The following KCNT2 variants were observed in gnomAD, a reference collection of about 807,000 sequenced individuals.
KCNT2 encodes the protein potassium channel subfamily T member 2.
KCNT2 carries 67 observed loss-of-function variants against 153.8 expected under a neutral mutation model. The observed-to-expected ratio is 0.44, with a 90% CI of 0.36 to 0.53. The LOEUF (loss-of-function observed/expected upper bound fraction) is 0.53, where lower values mean the gene tolerates loss of function less well. Among genes scored for constraint, KCNT2 ranks in the 20% least tolerant of loss-of-function variants. The probability of loss-of-function intolerance (pLI) is 0.00; values close to 1 mark genes in which losing one functional copy is unlikely to be tolerated. For synonymous variants in KCNT2, 500 were observed against 458.8 expected, an observed-to-expected ratio of 1.09 and a Z score of -1.15; for missense variants, 975 against 1,354.8, an observed-to-expected ratio of 0.72 and a Z score of 4.40.
intron 17 of KCNT2, 138 bp from the exon 18 acceptor site, chr1:196,331,399 T>A: frequency 1.6e-6 from 1 of 621,606 alleles, no homozygotes; most frequent in Non-Finnish European, 2.9e-6. Flanking sequence ...AAGAGGTAGT[T>A]AAGAAGAGAG....
chr1:196,558,380 CGTGT>C (rs142132505), intron 1 of KCNT2, among the ~76,000 whole-genome samples: 13 of 147,326 alleles, frequency 8.8e-5, no homozygotes, highest in East Asian at 2.0e-4. Flanking sequence ...TCTAAAATAA[CGTGT>C]GTGTGTGTGT....
At chr1:196,560,417 T>G (rs114124632) in intron 1 of KCNT2, among the ~76,000 whole-genome samples, 224 of 152,066 alleles carry the variant, frequency 1.5e-3, no homozygotes, top group Middle Eastern at 0.01. Context: ...TCTCTCCTCC[T>G]TTTTCTTAAT....
Position 196,586,722 on chromosome 1 carries a change from AAAC to A in KCNT2, c.95+21490_95+21492del, listed in dbSNP as rs941802990. On this transcript the variant is annotated intron_variant, in intron 1 of 27. Transcript: ENST00000294725. ...ACATTAAAATCAAGAGGATTAAAAA[AAAC>A]AACAACAACAACTGTAAGTAGTACA... is the stretch of plus-strand genomic sequence containing the variant. Among the ~76,000 whole-genome samples the A allele has an allele frequency of 8.4e-5, 12 of 143,694 alleles. No individual in the cohort carries two copies. The East Asian group carries it at 1.9e-3, about 23-fold the overall frequency. 94.3% of individuals were successfully genotyped at this position (143,694 alleles called of 152,430 possible). A position where few individuals can be genotyped will look rare whatever the true frequency, so the allele number is the denominator to read the frequency against.
Position 196,316,988 on chromosome 1 carries a change from A to C in KCNT2, c.2349-962T>G, listed in dbSNP as rs369366552. On this transcript the variant is annotated intron_variant, in intron 20 of 27. Coordinates refer to ENST00000294725, the MANE Select transcript of KCNT2 (RefSeq NM_198503.5). ...TCCGTATCTTCTGATTTATAATAGG[A>C]TGTTTAAAGCTTAAAGAGCAGTAGT... is the stretch of plus-strand genomic sequence containing the variant. 9.9e-5 allele frequency among the ~76,000 whole-genome samples: 15 copies of C among 151,850 alleles called. No homozygotes were observed. The East Asian group carries it at 2.3e-3, about 24-fold the overall frequency.
intron 12 of KCNT2, among the ~76,000 whole-genome samples, chr1:196,411,059 C>CTCCCTCCT (rs1407696394): frequency 1.1e-5 from 1 of 94,994 alleles, no homozygotes; most frequent in African/African-American, 4.8e-5. Context: ...CCTCTATTCC[C>CTCCCTCCT]TCCTTCCTTC....
chr1:196,228,187 G>A lies in KCNT2; in HGVS notation c.*37C>T, dbSNP rs769652395. 9 of 1,265,396 alleles carry A rather than the reference G, an allele frequency of 7.1e-6. No homozygotes were observed. Among genetic ancestry groups the A allele is most frequent in the Non-Finnish European group, 9.2e-6 (8 of 872,246 alleles). The allele number at this position is 1,265,396 out of a possible 1,614,324, so 78.4% of individuals were successfully genotyped here. A position where few individuals can be genotyped will look rare whatever the true frequency, so the allele number is the denominator to read the frequency against. On this transcript the variant is annotated 3_prime_UTR_variant, in exon 28 of 28. Transcript: ENST00000294725. Reference sequence around the variant, plus strand: ...GCAAAACTTTTGTGGTTTCAAGCAAGGTCTTTGTAGGAAAAAAGTTTCTCA... The same window carrying A: ...GCAAAACTTTTGTGGTTTCAAGCAAAGTCTTTGTAGGAAAAAAGTTTCTCA...
At chr1:196,539,273 A>G (rs1022264957) in intron 1 of KCNT2, among the ~76,000 whole-genome samples, 1 of 152,202 alleles carries the variant, frequency 6.6e-6, no homozygotes, top group African/African-American at 2.4e-5. Flanking sequence ...AACTAATTCA[A>G]TAAATATTTG....
intron 25 of KCNT2, among the ~76,000 whole-genome samples, chr1:196,264,160 C>A (rs1467100976): frequency 6.6e-6 from 1 of 151,988 alleles, no homozygotes; most frequent in Admixed American, 6.6e-5. Flanking sequence ...ACAGAAAAAT[C>A]TTATGTTTTT....
At chr1:196,259,466 T>C (rs939161398) in intron 25 of KCNT2, 1 of 152,134 alleles carries the variant, frequency 6.6e-6, no homozygotes, top group Non-Finnish European at 1.5e-5. Context: ...TGAATACTAT[T>C]GTACTTAAGA....
chr1:196,397,348 T>G (rs887992897), intron 13 of KCNT2, among the ~76,000 whole-genome samples: 1 of 151,588 alleles, frequency 6.6e-6, no homozygotes, highest in Admixed American at 6.6e-5. Flanking sequence ...AGTTGGCATT[T>G]GATGAATGCT....
intron 8 of KCNT2, among the ~76,000 whole-genome samples, chr1:196,461,226 G>A (rs1046145237): frequency 2.0e-5 from 3 of 151,540 alleles, no homozygotes; most frequent in South Asian, 2.1e-4. Flanking sequence ...GGTTTTAATC[G>A]ATGCATAGGA....
At chr1:196,362,161 A>G (rs1253683460) in intron 14 of KCNT2, among the ~76,000 whole-genome samples, 1 of 152,000 alleles carries the variant, frequency 6.6e-6, no homozygotes, top group East Asian at 1.9e-4. Context: ...TGGTAATTAT[A>G]ATCCCTATTA....
At chr1:196,366,413 C>A (rs953378196) in intron 14 of KCNT2, among the ~76,000 whole-genome samples, 2 of 152,108 alleles carry the variant, frequency 1.3e-5, no homozygotes, top group Non-Finnish European at 2.9e-5. Context: ...CCTGCCTCGG[C>A]CTCCCAAAGT....
intron 1 of KCNT2, among the ~76,000 whole-genome samples, chr1:196,604,807 T>C (rs1367925604): frequency 3.3e-5 from 5 of 151,978 alleles, no homozygotes; most frequent in African/African-American, 1.2e-4. Context: ...TTATAATACA[T>C]ATATTACAAA....
chr1:196,298,805 T>C (rs545246340), intron 22 of KCNT2, among the ~76,000 whole-genome samples: 1 of 146,364 alleles, frequency 6.8e-6, no homozygotes, highest in East Asian at 2.0e-4. Flanking sequence ...TAGCATCTAG[T>C]ATGGTTGGAA....
chr1:196,583,917 A>C (rs1662357601), intron 1 of KCNT2, among the ~76,000 whole-genome samples: 1 of 152,060 alleles, frequency 6.6e-6, no homozygotes, highest in South Asian at 2.1e-4. Flanking sequence ...TGTAAAAATG[A>C]ATCAGTTTGG....
At chr1:196,269,472 T>C (rs921885580) in intron 25 of KCNT2, among the ~76,000 whole-genome samples, 3 of 152,040 alleles carry the variant, frequency 2.0e-5, no homozygotes, top group Admixed American at 6.6e-5. Context: ...AGAGGTAAGC[T>C]CCCAATTTCA....
At chr1:196,533,362 T>C (rs1655179554) in intron 1 of KCNT2, among the ~76,000 whole-genome samples, 1 of 152,100 alleles carries the variant, frequency 6.6e-6, no homozygotes, top group Non-Finnish European at 1.5e-5. Flanking sequence ...CTTTTTCTTA[T>C]TTCTCTGTGG....
chr1:196,277,217 A>T (rs1658650813), intron 25 of KCNT2, among the ~76,000 whole-genome samples: 1 of 152,076 alleles, frequency 6.6e-6, no homozygotes, highest in Admixed American at 6.6e-5. Flanking sequence ...TCTGTTGGGA[A>T]TTTTTAGTTG....
Sources: gnomAD v4.1 joint callset for allele counts (sites outside exome capture counted in the v4.1 genomes callset) on GRCh38, gnomAD v4.1.1 for gene constraint, MANE v1.5 for transcripts, NCBI Gene and HGNC (gene_info 2026-07-23, HGNC 2026-07-21) for gene names.